ITGA7: variants seen among roughly 807,000 people sequenced by gnomAD.
ITGA7 encodes the protein integrin alpha-7.
In ITGA7, 84 loss-of-function variants were observed where a neutral mutation model predicts 131.6. The observed-to-expected ratio is 0.64, with a 90% confidence interval of 0.54 to 0.77. ITGA7 has a LOEUF of 0.77. Ranked by LOEUF, ITGA7 falls within the 30% of genes least tolerant of loss-of-function variation. The pLI, the probability that ITGA7 is intolerant of heterozygous loss-of-function variation, is 0.00. For missense variants in ITGA7, 1,399 were observed against 1,482.9 expected (o/e 0.94, Z 0.93); for synonymous variants, 548 against 600.7 (o/e 0.91, Z 1.28).
chr12:55,711,402 C>T (rs1305527042), upstream of ITGA7, among the ~76,000 whole-genome samples: 2 of 151,638 alleles, frequency 1.3e-5, no homozygotes, highest in Non-Finnish European at 2.9e-5. Flanking sequence ...CGCTTGAACC[C>T]AGAAGGCGGA....
At chr12:55,700,545 C>T in intron 4 of ITGA7, 1 of 862,942 alleles carries the variant, frequency 1.2e-6, no homozygotes, top group East Asian at 2.6e-5. Context: ...TGGGGTCCCC[C>T]AGATGTGGCA....
In ITGA7 at chr12:55,700,994, T is replaced by C; in HGVS notation, c.575A>G (p.Glu192Gly). 1 of 1,614,226 alleles carries C rather than the reference T, an allele frequency of 6.2e-7. No homozygotes were observed. Among genetic ancestry groups the C allele is most frequent in the South Asian group, 1.1e-5 (1 of 91,088 alleles). Residue 192 changes from glutamate to glycine, a missense_variant, in exon 4 of 25, where the codon GAA (glutamate) becomes GGA (glycine). By Grantham distance (98) the Glu-to-Gly change is moderately conservative. Transcript: ENST00000257879. ...GCCCTGCTGGCAGAACCCAAATTGT[T>C]CATGGCCTTGGGGGCGTCCCTCACA... ...KFCEGRPQGH[E>G]QFGFCQQGTA...
intron 1 of ITGA7, among the ~76,000 whole-genome samples, chr12:55,704,619 C>T (rs1280566048): frequency 6.6e-6 from 1 of 152,216 alleles, no homozygotes; most frequent in African/African-American, 2.4e-5. Context: ...AAGTCACATG[C>T]ATTATGTCAT....
intron 21 of ITGA7, among the ~76,000 whole-genome samples, chr12:55,689,863 C>G (rs146973390): frequency 6.6e-6 from 1 of 152,050 alleles, no homozygotes; most frequent in Non-Finnish European, 1.5e-5. Flanking sequence ...GAAAAACAAC[C>G]AGTGGGGAAA....
In ITGA7 at chr12:55,698,413, G is replaced by A. The variant is rs530060949; in HGVS notation, c.1162C>T (p.Leu388=). The A allele has an allele frequency of 6.2e-7, 1 of 1,613,594 alleles. No homozygotes were observed. Among genetic ancestry groups the A allele is most frequent in the Non-Finnish European group, 8.5e-7 (1 of 1,179,704 alleles). ...AAGCCATCTTGGTTGAGGTCCCCCAGGACAGCCAGGCTGATCCCGAACATG... is the reference window on the plus strand; with the variant it reads ...AAGCCATCTTGGTTGAGGTCCCCCAAGACAGCCAGGCTGATCCCGAACATG... ...DSMFGISLAV[L]GDLNQDGFPD... The change falls in exon 7 of 25, where the codon CTG becomes TTG. Residue 388 remains leucine (L), a synonymous_variant. Transcript: ENST00000257879.
chr12:55,708,044 C>A (rs1206595778), upstream of ITGA7: 13 of 1,148,958 alleles, frequency 1.1e-5, no homozygotes, highest in Non-Finnish European at 4.3e-6. Context: ...ACTAGCCTTG[C>A]TGACCCCCCA....
At chr12:55,698,149 G>A (rs775931237) in intron 7 of ITGA7, 123 bp from the exon 8 acceptor site, 336 of 985,960 alleles carry the variant, frequency 3.4e-4, no homozygotes, top group Non-Finnish European at 4.9e-4. Flanking sequence ...CAAAATCCCA[G>A]GCACTCTACA....
chr12:55,692,260 T>G (rs959835060), intron 21 of ITGA7, among the ~76,000 whole-genome samples: 2 of 152,016 alleles, frequency 1.3e-5, no homozygotes, highest in East Asian at 3.9e-4. Flanking sequence ...CTACTAAAAA[T>G]ACAAAAATCA....
chr12:55,697,185 G>T, intron 11 of ITGA7, 31 bp downstream of exon 11: 1 of 1,582,330 alleles, frequency 6.3e-7, no homozygotes, highest in Non-Finnish European at 8.6e-7. Context: ...AAACCCAAAA[G>T]GGCGAGCCAC....
intron 21 of ITGA7, among the ~76,000 whole-genome samples, 183 bp from the exon 22 acceptor site, chr12:55,689,140 G>A (rs1242147066): frequency 6.6e-6 from 1 of 152,212 alleles, no homozygotes; most frequent in African/African-American, 2.4e-5. Context: ...AATGCGTGGA[G>A]GGGGCAGCAT....
chr12:55,709,507 C>T (rs969312347), upstream of ITGA7, among the ~76,000 whole-genome samples: 3 of 152,314 alleles, frequency 2.0e-5, no homozygotes, highest in Non-Finnish European at 4.4e-5. Context: ...TAAACAGGTA[C>T]TATAAGGAAA....
rs766129530 is a variant in ITGA7, at chr12:55,695,476, T to C, written c.2003+46A>G. The C allele has an allele frequency of 1.3e-5, 15 of 1,199,256 alleles. No homozygotes were observed. The Admixed American group carries it at 2.4e-4, about 19-fold the overall frequency. 74.3% of individuals were successfully genotyped at this position (1,199,256 alleles called of 1,614,324 possible). ...CCTGAGAGGGCTTTCTCTCAATCCTTGAACTCTTGCCCTCCCACCCCCACC... is the reference window on the plus strand; with the variant it reads ...CCTGAGAGGGCTTTCTCTCAATCCTCGAACTCTTGCCCTCCCACCCCCACC... On this transcript the variant is annotated intron_variant, in intron 14 of 24. Coordinates refer to ENST00000257879, the MANE Select transcript of ITGA7 (RefSeq NM_002206.3).
chr12:55,703,190 G>C lies in ITGA7; in HGVS notation c.207-12C>G. The C allele has an allele frequency of 6.2e-7, 1 of 1,606,692 alleles. No individual in the cohort carries two copies. Among genetic ancestry groups the C allele is most frequent in the Non-Finnish European group, 8.5e-7 (1 of 1,179,806 alleles). On this transcript the variant is annotated splice_polypyrimidine_tract_variant and intron_variant, in intron 1 of 24. Transcript: ENST00000257879. Reference sequence around the variant, plus strand: ...CACCCACCAGCAGCCTGCAAGATGGGGCAGGGGCAGGGACAGGGACAGGAG... The same window carrying C: ...CACCCACCAGCAGCCTGCAAGATGGCGCAGGGGCAGGGACAGGGACAGGAG...
chr12:55,693,379 T>C lies in ITGA7; in HGVS notation c.2536-62A>G, dbSNP rs546222474. 29 of 1,394,078 alleles carry C rather than the reference T, an allele frequency of 2.1e-5. No individual in the cohort carries two copies. The East Asian group carries it at 4.5e-4, about 22-fold the overall frequency. The allele number at this position is 1,394,078 out of a possible 1,614,324, so 86.4% of individuals were successfully genotyped here. On this transcript the variant is annotated intron_variant, in intron 19 of 24. Coordinates refer to ENST00000257879, the MANE Select transcript of ITGA7 (RefSeq NM_002206.3). ...GTTTTTCTTTTTTTTTTTTTTTTAA[T>C]TTTTTGTAGAGACAGGATCTATGTT...
intron 3 of ITGA7, 34 bp downstream of exon 3, chr12:55,702,838 A>C: frequency 6.5e-7 from 1 of 1,534,070 alleles, no homozygotes; most frequent in Non-Finnish European, 9.0e-7. Flanking sequence ...CACACACCCC[A>C]TCCGTGCATT....
chr12:55,700,148 A>G, intron 4 of ITGA7, 159 bp from the exon 5 acceptor site: 1 of 1,416,926 alleles, frequency 7.1e-7, no homozygotes, highest in Middle Eastern at 2.0e-4. Flanking sequence ...AGAAAGACAG[A>G]GAGAGACAAG....
chr12:55,706,693 T>C (rs1379322634), intron 1 of ITGA7, among the ~76,000 whole-genome samples: 1 of 152,104 alleles, frequency 6.6e-6, no homozygotes, highest in Non-Finnish European at 1.5e-5. Context: ...ATTAGAATTG[T>C]CCTCCACCCC....
At chr12:55,709,495 T>C (rs1226851098), upstream of ITGA7, among the ~76,000 whole-genome samples, 1 of 152,148 alleles carries the variant, frequency 6.6e-6, no homozygotes, top group Admixed American at 6.5e-5. Context: ...CTAACACATC[T>C]CTAAACAGGT....
At chr12:55,715,290 C>G (rs1876432166), upstream of ITGA7, among the ~76,000 whole-genome samples, 1 of 152,078 alleles carries the variant, frequency 6.6e-6, no homozygotes, top group South Asian at 2.1e-4. Flanking sequence ...AAACTATAAC[C>G]TAGAATGGTG....
Sources: gnomAD v4.1 joint callset for allele counts (sites outside exome capture counted in the v4.1 genomes callset) on GRCh38, gnomAD v4.1.1 for gene constraint, MANE v1.5 for transcripts, NCBI Gene and HGNC (gene_info 2026-07-23, HGNC 2026-07-21) for gene names.